ARHGEF3: variants seen among roughly 807,000 people sequenced by gnomAD.
The protein encoded by ARHGEF3 is Rho guanine nucleotide exchange factor 3.
A neutral mutation model predicts 63.2 loss-of-function variants in ARHGEF3; 28 were observed. The ratio of observed to expected loss-of-function variants is 0.44; its 90% CI spans 0.33 to 0.61. The LOEUF is 0.61. Ranked by LOEUF, ARHGEF3 falls within the 20% of genes least tolerant of loss-of-function variation. The pLI is 0.03. For missense variants in ARHGEF3, 533 were observed against 659.3 expected, an observed-to-expected ratio of 0.81 and a Z score of 2.10; for synonymous variants, 266 against 254.2, an observed-to-expected ratio of 1.05 and a Z score of -0.44.
chr3:56,967,767 AAT>A (rs779278107), intron 2 of ARHGEF3, among the ~76,000 whole-genome samples: 1 of 84,252 alleles, frequency 1.2e-5, no homozygotes, highest in African/African-American at 4.8e-5. Flanking sequence ...AATTATATAT[AAT>A]ATATTATATT....
chr3:56,931,050 T>C (rs563899389), intron 3 of ARHGEF3, among the ~76,000 whole-genome samples: 35 of 152,326 alleles, frequency 2.3e-4, no homozygotes, highest in Non-Finnish European at 4.4e-4. Context: ...GGAGGCTTTA[T>C]TATGTTTCAA....
At chr3:56,931,983 A>T (rs2042424061) in intron 3 of ARHGEF3, among the ~76,000 whole-genome samples, 2 of 152,156 alleles carry the variant, frequency 1.3e-5, no homozygotes, top group African/African-American at 2.4e-5. Flanking sequence ...CTGTTAGAAA[A>T]AGAAGACAAA....
intron 3 of ARHGEF3, among the ~76,000 whole-genome samples, chr3:56,908,554 T>G (rs527376567): frequency 2.6e-5 from 4 of 152,326 alleles, no homozygotes; most frequent in Non-Finnish European, 5.9e-5. Flanking sequence ...ATCCATGTCT[T>G]TGGCTTCAGA....
chr3:56,849,328 G>GT (rs955369856), intron 4 of ARHGEF3, among the ~76,000 whole-genome samples: 26 of 152,104 alleles, frequency 1.7e-4, no homozygotes, highest in African/African-American at 6.3e-4. Context: ...GTTTGATGAG[G>GT]TTTTTTCCAG....
intron 1 of ARHGEF3, among the ~76,000 whole-genome samples, chr3:57,037,011 C>T (rs1703991969): frequency 6.6e-6 from 1 of 152,156 alleles, no homozygotes; most frequent in Non-Finnish European, 1.5e-5. Flanking sequence ...GGGGAGAGTC[C>T]CCAGCCACTG....
chr3:56,893,456 G>A (rs1385529918), intron 3 of ARHGEF3, among the ~76,000 whole-genome samples: 1 of 151,666 alleles, frequency 6.6e-6, no homozygotes, highest in African/African-American at 2.4e-5. Context: ...TGGGATTACA[G>A]GCATGAGCCA....
intron 4 of ARHGEF3, among the ~76,000 whole-genome samples, chr3:56,860,575 A>G (rs2040039447): frequency 6.6e-6 from 1 of 152,250 alleles, no homozygotes; most frequent in African/African-American, 2.4e-5. Context: ...ATGTGAAGAG[A>G]AAATCACAGT....
chr3:56,809,737 T>C (rs2037996320), intron 4 of ARHGEF3, among the ~76,000 whole-genome samples: 1 of 151,876 alleles, frequency 6.6e-6, no homozygotes, highest in Non-Finnish European at 1.5e-5. Flanking sequence ...TACTTTACTT[T>C]TTTTTTTTCC....
At chr3:56,938,430 T>G (rs951277891) in intron 3 of ARHGEF3, among the ~76,000 whole-genome samples, 2 of 152,216 alleles carry the variant, frequency 1.3e-5, no homozygotes, top group Non-Finnish European at 2.9e-5. Context: ...TAATAGAATA[T>G]ATTTTAAGTG....
intron 4 of ARHGEF3, among the ~76,000 whole-genome samples, chr3:56,828,391 A>C (rs566458224): frequency 6.6e-6 from 1 of 152,174 alleles, no homozygotes; most frequent in East Asian, 1.9e-4. Flanking sequence ...AAAATTAGCC[A>C]GGCGCAGTGG....
intron 4 of ARHGEF3, among the ~76,000 whole-genome samples, chr3:56,879,833 G>C (rs1300077783): frequency 2.0e-5 from 3 of 152,058 alleles, no homozygotes; most frequent in Admixed American, 2.0e-4. Context: ...TTAATTTATT[G>C]GATTCAGATA....
At chr3:56,866,169 C>T (rs1251997505) in intron 4 of ARHGEF3, among the ~76,000 whole-genome samples, 1 of 151,984 alleles carries the variant, frequency 6.6e-6, no homozygotes, top group African/African-American at 2.4e-5. Context: ...TGTCTCAAAA[C>T]ACAAAACAAA....
chr3:57,045,895 G>A (rs1165938684), intron 1 of ARHGEF3, among the ~76,000 whole-genome samples: 1 of 152,192 alleles, frequency 6.6e-6, no homozygotes, highest in East Asian at 1.9e-4. Context: ...GTTTAAATGA[G>A]CTTCATAGAA....
chr3:57,008,529 C>T (rs1479399870), intron 2 of ARHGEF3, among the ~76,000 whole-genome samples: 6 of 151,706 alleles, frequency 4.0e-5, no homozygotes, highest in East Asian at 1.9e-4. Context: ...CAGGCTGGAG[C>T]GCAGTAGCGT....
intron 4 of ARHGEF3, among the ~76,000 whole-genome samples, chr3:56,870,795 A>G (rs887753107): frequency 3.4e-5 from 5 of 145,528 alleles, no homozygotes. Flanking sequence ...AAAAAAAAAA[A>G]GTAAAGTCTA....
intron 4 of ARHGEF3, among the ~76,000 whole-genome samples, chr3:56,879,679 C>T (rs1237209465): frequency 1.3e-5 from 2 of 150,904 alleles, no homozygotes; most frequent in East Asian, 3.9e-4. Context: ...CTTTCCACTA[C>T]ACATAGAAAC....
At chr3:56,748,474 G>C (rs2034527772) in intron 6 of ARHGEF3, among the ~76,000 whole-genome samples, 1 of 151,722 alleles carries the variant, frequency 6.6e-6, no homozygotes. Context: ...TTATTAAATA[G>C]ACTATCAAGA....
rs185478944 is a variant in ARHGEF3, at chr3:56,918,894, T to A, written c.130-36540A>T. ...TTCGAACCACACAGAAGTATACACA[T>A]TCAAACCACAAAGAAGTATATAAAG... On this transcript the variant is annotated intron_variant, in intron 3 of 12. Transcript: ENST00000338458. Among the ~76,000 whole-genome samples the A allele has an allele frequency of 7.9e-5, 12 of 152,314 alleles. 1 individual carries two copies. The highest frequency in any genetic ancestry group is 6.5e-4 in the Admixed American group (10 of 15,294).
chr3:57,037,528 G>A (rs1704011661), intron 1 of ARHGEF3, among the ~76,000 whole-genome samples: 1 of 152,206 alleles, frequency 6.6e-6, no homozygotes, highest in South Asian at 2.1e-4. Flanking sequence ...AGAGCTTTAG[G>A]CTTTTCCTTT....
Sources: gnomAD v4.1 joint callset for allele counts (sites outside exome capture counted in the v4.1 genomes callset) on GRCh38, gnomAD v4.1.1 for gene constraint, MANE v1.5 for transcripts, NCBI Gene and HGNC (gene_info 2026-07-23, HGNC 2026-07-21) for gene names.